Variants in ADH1B observed in about 807,000 individuals in gnomAD.
ADH1B encodes the protein all-trans-retinol dehydrogenase [NAD(+)] ADH1B.
Under a neutral mutation model 34.6 loss-of-function variants are expected in ADH1B, and 29 were observed. That is an observed-to-expected ratio of 0.84 (90% CI 0.62 to 1.14). The LOEUF (loss-of-function observed/expected upper bound fraction) is 1.14, where lower values mean the gene tolerates loss of function less well. ADH1B is among the 50% of genes most tolerant of loss of function. The pLI, the probability that ADH1B is intolerant of heterozygous loss-of-function variation, is 0.00. For synonymous variants in ADH1B, 170 were observed against 175.5 expected (o/e 0.97, Z 0.25); for missense variants, 424 against 468.4 (o/e 0.91, Z 0.87).
chr4:99,313,254 A>G (rs756826272), intron 6 of ADH1B, among the ~76,000 whole-genome samples: 2 of 152,130 alleles, frequency 1.3e-5, no homozygotes, highest in Non-Finnish European at 2.9e-5. Context: ...TCCAACTAAT[A>G]TTGGGTACTA....
Position 99,306,764 on chromosome 4 carries a change from A to G in ADH1B, c.*1076T>C, listed in dbSNP as rs942733098. The G allele has an allele frequency of 1.3e-5, 2 of 152,248 alleles. No homozygotes were observed. The highest frequency in any genetic ancestry group is 4.8e-5 in the African/African-American group (2 of 41,454). 9.4% of individuals were successfully genotyped at this position (152,248 alleles called of 1,614,324 possible). Reference sequence around the variant, plus strand: ...AAAATATTAAACTAATGCTAGGATTATAGACTTGATTTTAAGACATGGTAG... The same window carrying G: ...AAAATATTAAACTAATGCTAGGATTGTAGACTTGATTTTAAGACATGGTAG... On this transcript the variant is annotated 3_prime_UTR_variant, in exon 9 of 9. Coordinates refer to ENST00000305046, the MANE Select transcript of ADH1B (RefSeq NM_000668.6).
chr4:99,307,737 C>A lies in ADH1B; in HGVS notation c.*103G>T, dbSNP rs1733647252. On this transcript the variant is annotated 3_prime_UTR_variant, in exon 9 of 9. Transcript: ENST00000305046. ...GCCCCCATGTGTAATTTATTGATAA[C>A]ATCTCTGAAGAGCTGAATTAATGAT... 6.6e-6 allele frequency: 9 copies of A among 1,363,948 alleles called. No individual in the cohort carries two copies. Among genetic ancestry groups the A allele is most frequent in the African/African-American group, 1.5e-5 (1 of 68,102 alleles). 84.5% of individuals were successfully genotyped at this position (1,363,948 alleles called of 1,614,324 possible).
chr4:99,308,537 G>C (rs1163220325), intron 8 of ADH1B, among the ~76,000 whole-genome samples: 1 of 151,798 alleles, frequency 6.6e-6, no homozygotes, highest in Non-Finnish European at 1.5e-5. Flanking sequence ...AAGTTGATTT[G>C]TATTAATTCT....
intron 5 of ADH1B, chr4:99,315,692 A>AT (rs1226065354): frequency 1.6e-6 from 1 of 639,448 alleles, no homozygotes; most frequent in Non-Finnish European, 2.7e-6. Flanking sequence ...ATTGTAAATG[A>AT]CATCTTTATT....
Position 99,307,834 on chromosome 4 carries a change from A to G in ADH1B, c.*6T>C, listed in dbSNP as rs774463975. 47 of 1,613,892 alleles carry G rather than the reference A, an allele frequency of 2.9e-5. No homozygotes were observed. Among genetic ancestry groups the G allele is most frequent in the Non-Finnish European group, 4.0e-5 (47 of 1,179,812 alleles). On this transcript the variant is annotated 3_prime_UTR_variant, in exon 9 of 9. Coordinates refer to ENST00000305046, the MANE Select transcript of ADH1B (RefSeq NM_000668.6). ...GACTGCTACAGGGGAAGGCATCTCT[A>G]TTGCCTCAAAACGTCAGGACGGTAC...
chr4:99,305,289 A>G lies in ADH1B; in HGVS notation c.*2551T>C, dbSNP rs1733572513. On this transcript the variant is annotated 3_prime_UTR_variant, in exon 9 of 9. Transcript: ENST00000305046. ...GAATTTCATTTTAAATATGTTCGTG[A>G]TATTATTGAAGTCACCCCCCCCCAC... 1 of 132,554 alleles carries G rather than the reference A, an allele frequency of 7.5e-6. No individual in the cohort carries two copies. Among genetic ancestry groups the G allele is most frequent in the Non-Finnish European group, 1.7e-5 (1 of 59,620 alleles). 8.2% of individuals were successfully genotyped at this position (132,554 alleles called of 1,614,324 possible).
At chr4:99,308,221 C>T (rs1340614828) in intron 8 of ADH1B, among the ~76,000 whole-genome samples, 2 of 151,792 alleles carry the variant, frequency 1.3e-5, no homozygotes, top group Non-Finnish European at 2.9e-5. Context: ...TAAGTTCTTA[C>T]TATTTGTCAC....
In ADH1B at chr4:99,313,963, T is replaced by G; in HGVS notation, c.686A>C (p.Lys229Thr). Residue 229 changes from lysine to threonine, a missense_variant, in exon 6 of 9, where the codon AAA (lysine) becomes ACA (threonine). Coordinates refer to ENST00000305046, the MANE Select transcript of ADH1B (RefSeq NM_000668.6). ...ACCCAACTCTTTGGCCTTTGCAAAT[T>G]TGTCCTTGTTGATGTCCACCGCAAT... is the stretch of plus-strand genomic sequence containing the variant. Reference protein sequence around the residue: ...RIIAVDINKDKFAKAKELGAT... With the variant: ...RIIAVDINKDTFAKAKELGAT... 1.9e-6 allele frequency: 3 copies of G among 1,614,188 alleles called. No homozygotes were observed. The highest frequency in any genetic ancestry group is 1.1e-5 in the South Asian group (1 of 91,072).
chr4:99,311,681 T>G (rs756469410), intron 6 of ADH1B, 25 bp from the exon 7 acceptor site: 1 of 1,612,332 alleles, frequency 6.2e-7, no homozygotes, highest in Non-Finnish European at 8.5e-7. Context: ...ATATTTAGCA[T>G]CCTTAACGTG....
chr4:99,310,247 T>C (rs1168310687), intron 8 of ADH1B: 1 of 314,832 alleles, frequency 3.2e-6, no homozygotes, highest in Admixed American at 4.6e-5. Context: ...AAAAAATTTT[T>C]TCTTAAACTA....
At chr4:99,311,796 CT>C (rs1277653377) in intron 6 of ADH1B, 140 bp from the exon 7 acceptor site, 10 of 1,327,366 alleles carry the variant, frequency 7.5e-6, no homozygotes, top group Admixed American at 2.3e-5. Flanking sequence ...CTTCATTCCC[CT>C]TTTTTGCACG....
intron 5 of ADH1B, 53 bp downstream of exon 5, chr4:99,315,845 T>A: frequency 6.2e-7 from 1 of 1,600,816 alleles, no homozygotes; most frequent in South Asian, 1.1e-5. Context: ...GCTTCCCTTT[T>A]GGTTTCCGAC....
chr4:99,320,964 G>T, intron 1 of ADH1B: 1 of 1,178,998 alleles, frequency 8.5e-7, no homozygotes, highest in South Asian at 1.4e-5. Flanking sequence ...TTGAATTATG[G>T]TTTCTTATTA....
intron 6 of ADH1B, 97 bp from the exon 7 acceptor site, chr4:99,311,753 G>C: frequency 2.0e-6 from 3 of 1,510,370 alleles, no homozygotes; most frequent in Non-Finnish European, 2.7e-6. Flanking sequence ...TGGATTGTGA[G>C]TGTGTAGAGG....
At chr4:99,311,701 A>G (rs776449760) in intron 6 of ADH1B, 45 bp from the exon 7 acceptor site, 1 of 1,607,218 alleles carries the variant, frequency 6.2e-7, no homozygotes, top group Non-Finnish European at 8.5e-7. Flanking sequence ...GGAGTCGCAT[A>G]GTTCCTACTC....
intron 8 of ADH1B, 99 bp from the exon 9 acceptor site, chr4:99,307,963 G>A (rs1579506869): frequency 1.3e-5 from 19 of 1,487,430 alleles, no homozygotes; most frequent in African/African-American, 1.1e-4. Flanking sequence ...GTGAAAATCT[G>A]TCTGTGATCC....
chr4:99,312,672 G>A (rs1392635910), intron 6 of ADH1B, among the ~76,000 whole-genome samples: 3 of 152,162 alleles, frequency 2.0e-5, no homozygotes, highest in South Asian at 4.1e-4. Context: ...CTGCAAGATT[G>A]GAAATAGTAT....
At position 99,321,362 on chromosome 4, in the gene ADH1B, A is replaced by T; in HGVS notation, c.-31T>A. ...TTCTGTCTTCTCTGCCCACCAGCAG[A>T]CTGTGAGTCTTTGTGGATTTCTTCT... On this transcript the variant is annotated 5_prime_UTR_variant, in exon 1 of 9. Transcript: ENST00000305046. 2 of 1,610,288 alleles carry T rather than the reference A, an allele frequency of 1.2e-6. No individual in the cohort carries two copies. The highest frequency in any genetic ancestry group is 8.5e-7 in the Non-Finnish European group (1 of 1,177,532).
rs142065383 is a variant in ADH1B, at chr4:99,316,276, G to T, written c.286C>A (p.Pro96Thr). Residue 96 changes from proline to threonine, a missense_variant, in exon 4 of 9, where the codon CCT becomes ACT. Physicochemically the swap from Pro to Thr is conservative, Grantham distance 38. Around this residue, in one of 3 missense-constraint regions of ADH1B, gnomAD observed 291 missense variants for 300.4 expected, o/e 0.97. Coordinates refer to ENST00000305046, the MANE Select transcript of ADH1B (RefSeq NM_000668.6). The stretch of plus-strand genomic sequence containing the variant: ...CAAACTCTGCATTTTCCACACTGAG[G>T]AGTAAAGAGCGGGATGACTTTATCA... ...PGDKVIPLFTPQCGKCRVCKN... is the reference protein window; with the variant it reads ...PGDKVIPLFTTQCGKCRVCKN... 2.9e-5 allele frequency: 47 copies of T among 1,614,058 alleles called. No homozygotes were observed. Among genetic ancestry groups the T allele is most frequent in the Non-Finnish European group, 3.9e-5 (46 of 1,180,028 alleles).
Sources: gnomAD v4.1 joint callset for allele counts (sites outside exome capture counted in the v4.1 genomes callset) on GRCh38, gnomAD v4.1.1 for gene constraint, gnomAD v4.1.1 regional missense constraint, MANE v1.5 for transcripts, NCBI Gene and HGNC (gene_info 2026-07-23, HGNC 2026-07-21) for gene names.